Variants in CCSER1 observed in about 807,000 individuals in gnomAD.
CCSER1 encodes the protein coiled-coil serine rich protein 1, also known as serine-rich coiled-coil domain-containing protein 1.
CCSER1 carries 41 observed loss-of-function variants against 82.0 expected under a neutral mutation model. The ratio of observed to expected loss-of-function variants is 0.50; its 90% CI spans 0.39 to 0.65. CCSER1 has a LOEUF of 0.65. Among genes scored for constraint, CCSER1 ranks in the 30% least tolerant of loss-of-function variants. CCSER1 has a pLI of 0.00. For missense variants in CCSER1, 1,119 were observed against 1,064.2 expected (o/e 1.05, Z -0.72); for synonymous variants, 414 against 383.9 (o/e 1.08, Z -0.92).
intron 9 of CCSER1, among the ~76,000 whole-genome samples, chr4:90,950,935 T>C (rs1732844505): frequency 6.6e-6 from 1 of 152,162 alleles, no homozygotes; most frequent in Non-Finnish European, 1.5e-5. Flanking sequence ...TAGTGTGATA[T>C]CTTTTATCAT....
intron 10 of CCSER1, among the ~76,000 whole-genome samples, chr4:91,589,112 A>G (rs1764146011): frequency 6.6e-6 from 1 of 151,858 alleles, no homozygotes; most frequent in Non-Finnish European, 1.5e-5. Flanking sequence ...TTTGCATTAC[A>G]TTATACTGAT....
At position 91,153,838 on chromosome 4, in the gene CCSER1, G is replaced by A. The variant is rs940237324; in HGVS notation, c.2217+67844G>A. Among the ~76,000 whole-genome samples, 36 of 151,834 alleles carry A rather than the reference G, an allele frequency of 2.4e-4. 2 individuals carry two copies. Among genetic ancestry groups the A allele is most frequent in the African/African-American group, 3.9e-4 (16 of 41,404 alleles). On this transcript the variant is annotated intron_variant, in intron 10 of 10. Coordinates refer to ENST00000509176, the MANE Select transcript of CCSER1 (RefSeq NM_001145065.2). ...TGCAGAACTGCAAATATTACAGAAC[G>A]GCATATATTGCTGCCTGATGCTTCC...
intron 10 of CCSER1, among the ~76,000 whole-genome samples, chr4:91,377,986 G>A (rs139897714): frequency 0.02 from 2,982 of 152,200 alleles, 75 homozygotes; most frequent in African/African-American, 0.067. Flanking sequence ...AGTTTTCCAA[G>A]CACCATTTAT....
chr4:90,776,778 T>A (rs750158785), intron 7 of CCSER1, among the ~76,000 whole-genome samples: 3 of 152,154 alleles, frequency 2.0e-5, no homozygotes, highest in Admixed American at 1.3e-4. Context: ...GCCAAGAGAT[T>A]TGAGCAATTT....
At chr4:90,582,953 A>T (rs1463221365) in intron 5 of CCSER1, among the ~76,000 whole-genome samples, 2 of 152,174 alleles carry the variant, frequency 1.3e-5, no homozygotes, top group Non-Finnish European at 2.9e-5. Flanking sequence ...CTGATCTGTA[A>T]TCTGAAGAAG....
At chr4:91,544,916 C>G (rs1323453268) in intron 10 of CCSER1, among the ~76,000 whole-genome samples, 2 of 152,154 alleles carry the variant, frequency 1.3e-5, no homozygotes, top group South Asian at 2.1e-4. Flanking sequence ...TTGGAGTCTA[C>G]AGAGGCAGGC....
chr4:90,900,094 G>GTTTTTTTTTTTTTTTTTTTTTTTTTT (rs70963096), intron 8 of CCSER1, among the ~76,000 whole-genome samples: 5 of 102,156 alleles, frequency 4.9e-5, no homozygotes, highest in Non-Finnish European at 8.5e-5. Flanking sequence ...TGGTCCCAGA[G>GTTTTTTTTTTTTTTTTTTTTTTTTTT]TTTTTTTTTT....
intron 9 of CCSER1, among the ~76,000 whole-genome samples, chr4:90,949,555 G>A (rs1278260479): frequency 6.6e-6 from 1 of 151,976 alleles, no homozygotes; most frequent in Admixed American, 6.6e-5. Flanking sequence ...TGGAGTTATA[G>A]GTTTTGTTTT....
Position 90,537,462 on chromosome 4 carries a change from C to T in CCSER1, c.1724+69108C>T, listed in dbSNP as rs921120940. Among the ~76,000 whole-genome samples the T allele has an allele frequency of 1.6e-4, 25 of 151,852 alleles. 2 individuals carry two copies. Among genetic ancestry groups the T allele is most frequent in the Non-Finnish European group, 4.4e-5 (3 of 67,930 alleles). On this transcript the variant is annotated intron_variant, in intron 5 of 10. Coordinates refer to ENST00000509176, the MANE Select transcript of CCSER1 (RefSeq NM_001145065.2). The stretch of plus-strand genomic sequence containing the variant: ...TTTTGTTTTTTTCTTCTATTTCTTT[C>T]CTGAGGTCAATCAGCTCTTTTCCAT...
At chr4:91,048,048 T>C (rs1742666120) in intron 9 of CCSER1, among the ~76,000 whole-genome samples, 1 of 152,036 alleles carries the variant, frequency 6.6e-6, no homozygotes, top group African/African-American at 2.4e-5. Flanking sequence ...ATTCTATTAT[T>C]CACTCACCCC....
intron 1 of CCSER1, among the ~76,000 whole-genome samples, chr4:90,276,255 C>CT (rs1560929917): frequency 0.03 from 1,549 of 51,296 alleles, 36 homozygotes; most frequent in East Asian, 0.042. Context: ...TCTTTCTTTC[C>CT]TTCCTTCCTT....
chr4:91,177,422 G>T (rs1733513571), intron 10 of CCSER1, among the ~76,000 whole-genome samples: 1 of 152,194 alleles, frequency 6.6e-6, no homozygotes, highest in East Asian at 1.9e-4. Flanking sequence ...ACGTCTGGTA[G>T]AATTTGGCTG....
At chr4:91,081,673 G>C (rs1024173897) in intron 9 of CCSER1, among the ~76,000 whole-genome samples, 13 of 151,934 alleles carry the variant, frequency 8.6e-5, no homozygotes, top group African/African-American at 2.2e-4. Context: ...CCCATCATCT[G>C]AGCCCAAAAT....
intron 7 of CCSER1, among the ~76,000 whole-genome samples, chr4:90,782,677 C>CTTTTTTTT (rs1561127476): frequency 4.2e-5 from 4 of 95,286 alleles, no homozygotes; most frequent in African/African-American, 1.9e-4. Flanking sequence ...TCTTTCTTTT[C>CTTTTTTTT]TTTCTTTCTT....
intron 8 of CCSER1, among the ~76,000 whole-genome samples, chr4:90,881,476 A>G (rs915985547): frequency 3.3e-5 from 5 of 152,184 alleles, no homozygotes; most frequent in East Asian, 1.9e-4. Flanking sequence ...AAAGAAAAAC[A>G]TATGTACACA....
At chr4:90,269,984 A>G (rs1338053931) in intron 1 of CCSER1, among the ~76,000 whole-genome samples, 1 of 152,106 alleles carries the variant, frequency 6.6e-6, no homozygotes, top group African/African-American at 2.4e-5. Flanking sequence ...AAGAAATCTA[A>G]AATCTGAGCA....
chr4:91,544,233 A>G (rs1157682345), intron 10 of CCSER1, among the ~76,000 whole-genome samples: 1 of 152,064 alleles, frequency 6.6e-6, no homozygotes, highest in African/African-American at 2.4e-5. Context: ...TTAGCTTCTT[A>G]GCAATGGGTC....
chr4:90,703,915 T>C (rs201452210), intron 6 of CCSER1, among the ~76,000 whole-genome samples: 2 of 152,140 alleles, frequency 1.3e-5, no homozygotes, highest in East Asian at 3.9e-4. Context: ...GATGGGTCTT[T>C]ACTCTTTATC....
chr4:90,685,163 G>A (rs1025462587), intron 6 of CCSER1, among the ~76,000 whole-genome samples: 3 of 152,054 alleles, frequency 2.0e-5, no homozygotes, highest in Admixed American at 2.0e-4. Flanking sequence ...AACAATCTGT[G>A]GCTAGTCATA....
Sources: allele counts gnomAD v4.1 joint callset (sites outside exome capture counted in the v4.1 genomes callset), GRCh38; gene constraint gnomAD v4.1.1; transcripts MANE v1.5; gene names NCBI Gene and HGNC (gene_info 2026-07-23, HGNC 2026-07-21).